Variants in TRPM3 observed in about 807,000 individuals in gnomAD.
The protein encoded by TRPM3 is long transient receptor potential channel 3.
Under a neutral mutation model 181.2 loss-of-function variants are expected in TRPM3, and 77 were observed. The ratio of observed to expected loss-of-function variants is 0.42; its 90% CI spans 0.35 to 0.51. The LOEUF (loss-of-function observed/expected upper bound fraction) is 0.51. TRPM3 is among the 20% of genes least tolerant of loss of function. The pLI is 0.01. For synonymous variants in TRPM3, 745 were observed against 796.4 expected (o/e 0.94, Z 1.09); for missense variants, 1,759 against 2,196.7 (o/e 0.80, Z 3.98).
chr9:71,050,759 T>TG (rs1346052698), intron 1 of TRPM3, among the ~76,000 whole-genome samples: 3 of 152,070 alleles, frequency 2.0e-5, no homozygotes, highest in African/African-American at 7.2e-5. Flanking sequence ...GCCCACGGAA[T>TG]GCAGGTCATC....
chr9:71,365,959 A>G (rs747266188), intron 1 of TRPM3, among the ~76,000 whole-genome samples: 1 of 152,156 alleles, frequency 6.6e-6, no homozygotes, highest in East Asian at 1.9e-4. Flanking sequence ...TAAAATAAAA[A>G]AAGGGGGATA....
intron 22 of TRPM3, among the ~76,000 whole-genome samples, chr9:70,580,154 A>G (rs1381300915): frequency 6.6e-6 from 1 of 152,162 alleles, no homozygotes; most frequent in Non-Finnish European, 1.5e-5. Flanking sequence ...GGGCTTTTTT[A>G]TGGCTTATCT....
At chr9:71,222,204 C>T (rs368034347) in intron 1 of TRPM3, among the ~76,000 whole-genome samples, 2 of 152,210 alleles carry the variant, frequency 1.3e-5, no homozygotes, top group Non-Finnish European at 2.9e-5. Context: ...ATAATAAATC[C>T]GTTTTTTCTA....
chr9:70,776,276 A>C (rs977936927), intron 7 of TRPM3: 2 of 524,286 alleles, frequency 3.8e-6, no homozygotes, highest in African/African-American at 4.0e-5. Flanking sequence ...GGAGGTTAGG[A>C]CTCTTTAAAG....
In TRPM3 at chr9:70,602,124, T is replaced by TTTTTTTTA. The variant is rs1172901557; in HGVS notation, c.2796+1217_2796+1218insTAAAAAAA. ...GGCATTCCTTTTTTTTTTTTTTTTT[T>TTTTTTTTA]AAATCCAGGCTCTTGTAAAATGAGA... On this transcript the variant is annotated intron_variant, in intron 20 of 25. Transcript: ENST00000677713. Among the ~76,000 whole-genome samples the TTTTTTTTA allele has an allele frequency of 5.8e-3, 872 of 150,520 alleles. 10 individuals are homozygous for TTTTTTTTA. Among genetic ancestry groups the TTTTTTTTA allele is most frequent in the African/African-American group, 0.02 (819 of 40,738 alleles).
At chr9:71,225,804 C>T (rs1324978744) in intron 1 of TRPM3, among the ~76,000 whole-genome samples, 3 of 151,392 alleles carry the variant, frequency 2.0e-5, no homozygotes, top group Middle Eastern at 3.2e-3. Context: ...TTACAGGCAC[C>T]CACCACCATG....
intron 1 of TRPM3, among the ~76,000 whole-genome samples, chr9:71,144,376 T>C (rs1381483561): frequency 6.6e-6 from 1 of 152,170 alleles, no homozygotes; most frequent in African/African-American, 2.4e-5. Context: ...ACCTGATCTA[T>C]CTCTGGTTCC....
Position 70,556,054 on chromosome 9 carries a change from C to T in TRPM3, c.3224-2744G>A, listed in dbSNP as rs183743186. Among the ~76,000 whole-genome samples, 19 of 152,304 alleles carry T rather than the reference C, an allele frequency of 1.2e-4. 1 individual carries two copies. In the East Asian group the frequency reaches 3.7e-3, roughly 30 times the overall value. ...TGAAGACACTTCCTCCACTTGGGCC[C>T]TTGTGCCCAGCTGAGAGAGGAAACA... On this transcript the variant is annotated intron_variant, in intron 22 of 25. Transcript: ENST00000677713.
chr9:70,543,932 C>T (rs764954052), intron 25 of TRPM3, among the ~76,000 whole-genome samples: 2 of 152,236 alleles, frequency 1.3e-5, no homozygotes, highest in African/African-American at 2.4e-5. Context: ...AGACGATTGA[C>T]GCAGGGACTC....
At chr9:70,685,867 A>G (rs1017599398) in intron 8 of TRPM3, among the ~76,000 whole-genome samples, 1 of 128,072 alleles carries the variant, frequency 7.8e-6, no homozygotes, top group African/African-American at 3.1e-5. Flanking sequence ...ATTTAAAATT[A>G]TGTATCTCAC....
At chr9:71,287,514 A>T (rs2085397762) in intron 1 of TRPM3, among the ~76,000 whole-genome samples, 1 of 152,070 alleles carries the variant, frequency 6.6e-6, no homozygotes, top group South Asian at 2.1e-4. Context: ...AGGAAAGTGG[A>T]AATATTACTA....
intron 6 of TRPM3, among the ~76,000 whole-genome samples, chr9:70,817,857 T>C (rs911398712): frequency 1.3e-5 from 2 of 152,160 alleles, no homozygotes; most frequent in East Asian, 1.9e-4. Context: ...ATTTATTATA[T>C]ATTGTTTATT....
chr9:70,902,305 C>A (rs1003206238), intron 1 of TRPM3, among the ~76,000 whole-genome samples: 12 of 152,194 alleles, frequency 7.9e-5, no homozygotes, highest in Admixed American at 7.2e-4. Flanking sequence ...TGTATTCACA[C>A]AACAAAGCTG....
chr9:70,762,902 T>C (rs1309168960), intron 7 of TRPM3, among the ~76,000 whole-genome samples: 3 of 152,122 alleles, frequency 2.0e-5, no homozygotes, highest in African/African-American at 7.2e-5. Context: ...CCACTGCCTC[T>C]CTTCATCACT....
intron 1 of TRPM3, among the ~76,000 whole-genome samples, chr9:71,175,276 A>C (rs951544875): frequency 2.6e-5 from 4 of 152,156 alleles, no homozygotes; most frequent in Admixed American, 2.6e-4. Flanking sequence ...GACAGACTGA[A>C]TTTGTGTGAA....
In TRPM3 at chr9:70,957,030, G is replaced by A. The variant is rs952097020; in HGVS notation, c.178-92519C>T. Among the ~76,000 whole-genome samples, 30 of 144,586 alleles carry A rather than the reference G, an allele frequency of 2.1e-4. No homozygotes were observed. The South Asian group carries it at 2.6e-3, about 13-fold the overall frequency. The allele number at this position is 144,586 out of a possible 152,430, so 94.9% of individuals were successfully genotyped here. A position where few individuals can be genotyped will look rare whatever the true frequency, so the allele number is the denominator to read the frequency against. ...GGCTGAAGTGCAGTGGCATGATCTC[G>A]GCTCACTGCAACCTCTGCTTCTCAG... On this transcript the variant is annotated intron_variant, in intron 1 of 25. Coordinates refer to ENST00000677713, the MANE Select transcript of TRPM3 (RefSeq NM_001366145.2).
At chr9:71,337,211 T>A (rs564428645) in intron 1 of TRPM3, among the ~76,000 whole-genome samples, 1 of 152,090 alleles carries the variant, frequency 6.6e-6, no homozygotes, top group Non-Finnish European at 1.5e-5. Flanking sequence ...ATATCCAGAA[T>A]GTACAAGGAA....
chr9:70,794,530 T>C (rs527571051), intron 6 of TRPM3, among the ~76,000 whole-genome samples: 1 of 152,198 alleles, frequency 6.6e-6, no homozygotes, highest in East Asian at 1.9e-4. Flanking sequence ...CCCATCTCCA[T>C]CCTGCACTCT....
chr9:71,362,927 T>C (rs1018596825), intron 1 of TRPM3, among the ~76,000 whole-genome samples: 1 of 152,158 alleles, frequency 6.6e-6, no homozygotes, highest in Non-Finnish European at 1.5e-5. Context: ...TGGTATTTCA[T>C]TGGGATTGCT....
Sources: gnomAD v4.1 joint callset for allele counts (sites outside exome capture counted in the v4.1 genomes callset) on GRCh38, gnomAD v4.1.1 for gene constraint, MANE v1.5 for transcripts, NCBI Gene and HGNC (gene_info 2026-07-23, HGNC 2026-07-21) for gene names.